HIVEP3: variants seen among roughly 807,000 people sequenced by gnomAD.
HIVEP3 encodes transcription factor HIVEP3.
In HIVEP3, 49 loss-of-function variants were observed where a neutral mutation model predicts 152.8. The ratio of observed to expected loss-of-function variants is 0.32; its 90% confidence interval spans 0.26 to 0.41. The LOEUF (loss-of-function observed/expected upper bound fraction) is 0.41. Among genes scored for constraint, HIVEP3 ranks in the 10% least tolerant of loss-of-function variants. The pLI, the probability that HIVEP3 is intolerant of heterozygous loss-of-function variation, is 1.00. For synonymous variants in HIVEP3, 1,269 were observed against 1,289.0 expected, an observed-to-expected ratio of 0.98 and a Z score of 0.33; for missense variants, 2,790 against 3,103.3, an observed-to-expected ratio of 0.90 and a Z score of 2.40.
intron 5 of HIVEP3, among the ~76,000 whole-genome samples, chr1:41,545,751 G>GCCACCACCACCATCACCATCA (rs1558049560): frequency 2.5e-5 from 1 of 39,922 alleles, no homozygotes; most frequent in African/African-American, 9.6e-5. Flanking sequence ...CATCACCACT[G>GCCACCACCACCATCACCATCA]CCACCACCAC....
At chr1:41,772,820 G>T (rs761739475) in intron 1 of HIVEP3, among the ~76,000 whole-genome samples, 1 of 152,212 alleles carries the variant, frequency 6.6e-6, no homozygotes, top group Non-Finnish European at 1.5e-5. Flanking sequence ...TGAGGTAGGA[G>T]AATCGCTTGA....
At chr1:41,733,065 C>G (rs373462697) in intron 1 of HIVEP3, among the ~76,000 whole-genome samples, 1 of 152,208 alleles carries the variant, frequency 6.6e-6, no homozygotes, top group African/African-American at 2.4e-5. Flanking sequence ...TCAGAGCACA[C>G]TGGGAAATCA....
At chr1:41,888,473 G>C (rs1644387187) in intron 1 of HIVEP3, among the ~76,000 whole-genome samples, 2 of 151,834 alleles carry the variant, frequency 1.3e-5, no homozygotes, top group Non-Finnish European at 2.9e-5. Context: ...AGAAAGGAAG[G>C]CCTATCCAGA....
intron 2 of HIVEP3, among the ~76,000 whole-genome samples, chr1:41,642,768 G>T (rs1235133338): frequency 6.6e-6 from 1 of 152,110 alleles, no homozygotes; most frequent in Non-Finnish European, 1.5e-5. Context: ...TTGGGTGTGT[G>T]TTGGTGAAGA....
At chr1:41,996,313 A>C (rs1645395565) in intron 1 of HIVEP3, among the ~76,000 whole-genome samples, 1 of 151,862 alleles carries the variant, frequency 6.6e-6, no homozygotes. Flanking sequence ...CTGCTTGAGC[A>C]CAAGAGTTTG....
chr1:41,592,299 T>C (rs1271607713), intron 3 of HIVEP3, among the ~76,000 whole-genome samples: 2 of 152,210 alleles, frequency 1.3e-5, no homozygotes, highest in Non-Finnish European at 2.9e-5. Context: ...CACTTTCCTC[T>C]CTGGGCCTCA....
intron 1 of HIVEP3, among the ~76,000 whole-genome samples, chr1:41,868,734 CAA>C (rs1200804393): frequency 1.3e-5 from 2 of 152,234 alleles, no homozygotes; most frequent in Non-Finnish European, 2.9e-5. Context: ...GTCTGGGTTT[CAA>C]ATCCTGACAC....
intron 1 of HIVEP3, among the ~76,000 whole-genome samples, chr1:41,974,633 T>A (rs1466165665): frequency 6.6e-6 from 1 of 152,010 alleles, no homozygotes. Flanking sequence ...AATACTCTTT[T>A]CACACCCCTC....
intron 1 of HIVEP3, among the ~76,000 whole-genome samples, chr1:41,820,682 G>GT (rs1249869315): frequency 6.6e-6 from 1 of 151,970 alleles, no homozygotes; most frequent in Non-Finnish European, 1.5e-5. Context: ...TGTCTTTTAG[G>GT]TAACAGTCCT....
chr1:41,758,243 G>C (rs1647445676), intron 1 of HIVEP3, among the ~76,000 whole-genome samples: 1 of 152,066 alleles, frequency 6.6e-6, no homozygotes, highest in South Asian at 2.1e-4. Context: ...TATGTCTGGA[G>C]TGAGAACCCT....
chr1:41,979,511 C>A (rs941277153), intron 1 of HIVEP3, among the ~76,000 whole-genome samples: 6 of 152,232 alleles, frequency 3.9e-5, no homozygotes, highest in African/African-American at 1.2e-4. Flanking sequence ...TTTCTTCAGG[C>A]CTTTCCTATT....
At chr1:41,512,542 C>T (rs556763043) in intron 8 of HIVEP3, among the ~76,000 whole-genome samples, 4 of 152,296 alleles carry the variant, frequency 2.6e-5, no homozygotes, top group South Asian at 2.1e-4. Context: ...AATACAAGAA[C>T]GGACTAATAC....
intron 1 of HIVEP3, among the ~76,000 whole-genome samples, chr1:41,838,741 T>C (rs760872822): frequency 2.6e-5 from 4 of 152,076 alleles, no homozygotes; most frequent in African/African-American, 9.7e-5. Context: ...CAGGGATCCA[T>C]GGAGAATAAA....
At chr1:41,958,723 A>G (rs765782733) in intron 1 of HIVEP3, among the ~76,000 whole-genome samples, 1 of 152,186 alleles carries the variant, frequency 6.6e-6, no homozygotes, top group East Asian at 1.9e-4. Flanking sequence ...TTGCCTCCCA[A>G]TGGGCAAAGC....
intron 1 of HIVEP3, among the ~76,000 whole-genome samples, chr1:41,812,742 C>T (rs950309197): frequency 1.3e-5 from 2 of 151,758 alleles, no homozygotes; most frequent in Admixed American, 1.3e-4. Flanking sequence ...TGCGAAGCCA[C>T]CACTCCAACA....
At chr1:41,757,140 G>A (rs1647356303) in intron 1 of HIVEP3, among the ~76,000 whole-genome samples, 1 of 129,914 alleles carries the variant, frequency 7.7e-6, no homozygotes, top group South Asian at 2.4e-4. Context: ...TTTGGAGATG[G>A]AATCTCGCTC....
chr1:41,787,226 G>T (rs771076400), intron 1 of HIVEP3, among the ~76,000 whole-genome samples: 1 of 152,120 alleles, frequency 6.6e-6, no homozygotes, highest in African/African-American at 2.4e-5. Context: ...CATGCACTAC[G>T]CCGCAACAGT....
chr1:41,526,769 ACACT>A (rs1368234025), intron 5 of HIVEP3, among the ~76,000 whole-genome samples: 15 of 94,396 alleles, frequency 1.6e-4, no homozygotes, highest in African/African-American at 3.7e-4. Context: ...ACTCACCCTC[ACACT>A]CACCCTAACA....
At chr1:41,889,944 T>C (rs1644421696) in intron 1 of HIVEP3, among the ~76,000 whole-genome samples, 1 of 152,194 alleles carries the variant, frequency 6.6e-6, no homozygotes, top group Non-Finnish European at 1.5e-5. Flanking sequence ...AGTTTAACCA[T>C]AATAACATTG....
Sources: allele counts gnomAD v4.1 joint callset (sites outside exome capture counted in the v4.1 genomes callset), GRCh38; gene constraint gnomAD v4.1.1; transcripts MANE v1.5; gene names NCBI Gene and HGNC (gene_info 2026-07-23, HGNC 2026-07-21).